Variants in CR1L observed in about 807,000 individuals in gnomAD.
CR1L encodes complement component receptor 1-like protein.
Under a neutral mutation model 62.3 loss-of-function variants are expected in CR1L, and 59 were observed. The observed-to-expected ratio is 0.95, with a 90% CI of 0.77 to 1.18. CR1L has a LOEUF of 1.18. Ranked by LOEUF, CR1L falls within the 50% of genes most tolerant of loss-of-function variation. The probability of loss-of-function intolerance (pLI) is 0.00; values close to 1 mark genes in which losing one functional copy is unlikely to be tolerated. For missense variants in CR1L, 700 were observed against 702.8 expected (o/e 1.00, Z 0.04); for synonymous variants, 279 against 248.7 (o/e 1.12, Z -1.15).
rs775924529 is a variant in CR1L, at chr1:207,694,300, C to T, written c.464-53C>T. Reference sequence around the variant, plus strand: ...TAAAAATAGTTACAGTTTAGTGACTCGTGAGATTTTTGTCATTCATTATTT... The same window carrying T: ...TAAAAATAGTTACAGTTTAGTGACTTGTGAGATTTTTGTCATTCATTATTT... On this transcript the variant is annotated intron_variant, in intron 4 of 11. Coordinates refer to ENST00000508064, the MANE Select transcript of CR1L (RefSeq NM_175710.2). 6.3e-6 allele frequency: 10 copies of T among 1,596,636 alleles called. No individual in the cohort carries two copies. In the African/African-American group the frequency reaches 6.7e-5, roughly 11 times the overall value.
At chr1:207,686,508 TAACA>T (rs1663915169) in intron 4 of CR1L, among the ~76,000 whole-genome samples, 1 of 152,196 alleles carries the variant, frequency 6.6e-6, no homozygotes, top group Admixed American at 6.5e-5. Flanking sequence ...TCTGTTAATG[TAACA>T]AACTGTTTTG....
At chr1:207,648,851 G>A (rs544263965) in intron 1 of CR1L, among the ~76,000 whole-genome samples, 1 of 152,294 alleles carries the variant, frequency 6.6e-6, no homozygotes, top group Non-Finnish European at 1.5e-5. Context: ...CACAAGAAAT[G>A]GCTAAATCTT....
intron 4 of CR1L, among the ~76,000 whole-genome samples, chr1:207,684,663 C>T (rs1663867688): frequency 6.6e-6 from 1 of 151,962 alleles, no homozygotes; most frequent in Non-Finnish European, 1.5e-5. Flanking sequence ...GCATGGTATT[C>T]AGCCATAAAA....
chr1:207,692,809 C>T (rs1664017643), intron 4 of CR1L, among the ~76,000 whole-genome samples: 1 of 151,938 alleles, frequency 6.6e-6, no homozygotes, highest in African/African-American at 2.4e-5. Context: ...TCTTTACTTC[C>T]ATCTTGTGTT....
At chr1:207,653,411 G>A (rs1663259318) in intron 1 of CR1L, among the ~76,000 whole-genome samples, 1 of 152,200 alleles carries the variant, frequency 6.6e-6, no homozygotes, top group African/African-American at 2.4e-5. Flanking sequence ...CTGACAATAA[G>A]TCTGTTGAAA....
chr1:207,682,440 C>G (rs1404928748), intron 3 of CR1L, among the ~76,000 whole-genome samples: 1 of 152,068 alleles, frequency 6.6e-6, no homozygotes, highest in Non-Finnish European at 1.5e-5. Context: ...GCCTGGGCGA[C>G]AAGAGTGAAA....
intron 9 of CR1L, among the ~76,000 whole-genome samples, chr1:207,706,820 C>T (rs564288049): frequency 1.3e-4 from 20 of 152,162 alleles, no homozygotes; most frequent in African/African-American, 4.8e-4. Context: ...CTAAAGAAAT[C>T]TCAATGAGAT....
At chr1:207,713,237 AT>A (rs1664389894) in intron 10 of CR1L, among the ~76,000 whole-genome samples, 1 of 152,174 alleles carries the variant, frequency 6.6e-6, no homozygotes, top group African/African-American at 2.4e-5. Context: ...AAAGAACATA[AT>A]TTTATAAAAT....
chr1:207,678,348 C>T, intron 3 of CR1L, 51 bp downstream of exon 3: 1 of 1,464,560 alleles, frequency 6.8e-7, no homozygotes, highest in Non-Finnish European at 9.6e-7. Context: ...GGTTCTAACA[C>T]AGCCATACTA....
chr1:207,696,261 G>T (rs997496323), intron 5 of CR1L, among the ~76,000 whole-genome samples: 2 of 152,214 alleles, frequency 1.3e-5, no homozygotes, highest in African/African-American at 2.4e-5. Context: ...CATTGGCATC[G>T]CTAGAATTGA....
At chr1:207,657,795 C>T (rs950642210) in intron 1 of CR1L, among the ~76,000 whole-genome samples, 5 of 152,084 alleles carry the variant, frequency 3.3e-5, no homozygotes, top group Non-Finnish European at 5.9e-5. Flanking sequence ...GGGACTTGCC[C>T]GTTTAAACAA....
At chr1:207,720,517 G>A (rs943458325) in intron 11 of CR1L, among the ~76,000 whole-genome samples, 11 of 152,108 alleles carry the variant, frequency 7.2e-5, no homozygotes, top group Admixed American at 6.5e-5. Flanking sequence ...GAACCTTTGA[G>A]TACTAGCATC....
chr1:207,675,899 T>C (rs1180197877), intron 1 of CR1L, among the ~76,000 whole-genome samples: 1 of 152,220 alleles, frequency 6.6e-6, no homozygotes, highest in Non-Finnish European at 1.5e-5. Flanking sequence ...TATGGTAAAG[T>C]ATAGCTTTAG....
At chr1:207,662,247 A>T (rs1424858154) in intron 1 of CR1L, among the ~76,000 whole-genome samples, 3 of 152,172 alleles carry the variant, frequency 2.0e-5, no homozygotes, top group African/African-American at 7.2e-5. Flanking sequence ...AGTGTTTTCC[A>T]ACTTGGTTCC....
chr1:207,667,726 GA>G (rs201329214), intron 1 of CR1L, among the ~76,000 whole-genome samples: 1 of 151,396 alleles, frequency 6.6e-6, no homozygotes, highest in Non-Finnish European at 1.5e-5. Flanking sequence ...ACAGAGTGAA[GA>G]AAAAAACCTA....
chr1:207,684,762 C>T (rs954284909), intron 4 of CR1L, among the ~76,000 whole-genome samples: 2 of 149,566 alleles, frequency 1.3e-5, no homozygotes, highest in Non-Finnish European at 3.0e-5. Flanking sequence ...ATGGCAAGAT[C>T]TCATTTTATT....
At chr1:207,668,898 T>C (rs1483146399) in intron 1 of CR1L, among the ~76,000 whole-genome samples, 1 of 151,012 alleles carries the variant, frequency 6.6e-6, no homozygotes, top group Non-Finnish European at 1.5e-5. Context: ...ATTTTTTGAA[T>C]ATATATCTAA....
intron 10 of CR1L, chr1:207,715,518 C>T (rs1250018392): frequency 1.5e-5 from 8 of 533,304 alleles, no homozygotes; most frequent in East Asian, 4.6e-5. Context: ...AAATACTTCT[C>T]TGTTGGAAGA....
intron 11 of CR1L, among the ~76,000 whole-genome samples, chr1:207,719,729 C>T (rs1382186311): frequency 6.6e-6 from 1 of 151,956 alleles, no homozygotes; most frequent in Non-Finnish European, 1.5e-5. Context: ...AACACACACA[C>T]ACACACACGC....
Sources: allele counts gnomAD v4.1 joint callset (sites outside exome capture counted in the v4.1 genomes callset), GRCh38; gene constraint gnomAD v4.1.1; transcripts MANE v1.5; gene names NCBI Gene and HGNC (gene_info 2026-07-23, HGNC 2026-07-21).